CCDC9: variants seen among roughly 807,000 people sequenced by gnomAD.
CCDC9 encodes the protein coiled-coil domain containing 9, also known as coiled-coil domain-containing protein 9.
In CCDC9, 52 loss-of-function variants were observed where a neutral mutation model predicts 65.6. The observed-to-expected ratio is 0.79, with a 90% CI of 0.63 to 1.00. The LOEUF is 1.00. Ranked by LOEUF, CCDC9 falls within the 50% of genes least tolerant of loss-of-function variation. CCDC9 has a pLI of 0.00. For missense variants in CCDC9, 834 were observed against 757.2 expected (o/e 1.10, Z -1.19); for synonymous variants, 332 against 280.3 (o/e 1.18, Z -1.84).
downstream of CCDC9, among the ~76,000 whole-genome samples, chr19:47,272,901 C>T (rs980227585): frequency 6.6e-6 from 1 of 152,140 alleles, no homozygotes; most frequent in Non-Finnish European, 1.5e-5. Context: ...GCCTCCCCTT[C>T]CCCCAGAGTG....
chr19:47,267,892 G>A (rs181360889), intron 8 of CCDC9, among the ~76,000 whole-genome samples: 10 of 152,060 alleles, frequency 6.6e-5, no homozygotes, highest in Non-Finnish European at 1.2e-4. Context: ...CTGTTGCCGG[G>A]GCTGGAGTGC....
Position 47,271,739 on chromosome 19 carries a change from G to A in CCDC9, c.*61G>A. 4.1e-6 allele frequency: 1 copy of A among 241,762 alleles called. No homozygotes were observed. The highest frequency in any genetic ancestry group is 4.2e-4 in the East Asian group (1 of 2,374). The allele number at this position is 241,762 out of a possible 1,614,324, so 15.0% of individuals were successfully genotyped here. A position where few individuals can be genotyped will look rare whatever the true frequency, so the allele number is the denominator to read the frequency against. On this transcript the variant is annotated 3_prime_UTR_variant, in exon 12 of 12. Coordinates refer to ENST00000221922, the MANE Select transcript of CCDC9 (RefSeq NM_015603.3). The stretch of plus-strand genomic sequence containing the variant: ...TGTGTGTGTGTGTGTGTGTGCGCGC[G>A]CGCGCGCGCGCGCGCGCGCGCTAGA...
chr19:47,268,085 G>A (rs2059094233), intron 8 of CCDC9, among the ~76,000 whole-genome samples: 1 of 152,082 alleles, frequency 6.6e-6, no homozygotes, highest in Non-Finnish European at 1.5e-5. Context: ...CTGACCTCAT[G>A]ATTCACCCAC....
chr19:47,257,375 C>A (rs3826791), intron 1 of CCDC9, among the ~76,000 whole-genome samples: 49,657 of 141,016 alleles, frequency 0.35, 8,514 homozygotes, highest in East Asian at 0.6. Flanking sequence ...GGGGAAAGAG[C>A]GTGGCTGGGA....
At chr19:47,266,035 G>C (rs2059080381) in intron 7 of CCDC9, among the ~76,000 whole-genome samples, 1 of 105,472 alleles carries the variant, frequency 9.5e-6, no homozygotes, top group South Asian at 3.2e-4. Context: ...TTGCCCTGTT[G>C]CCTAGGCTGG....
At chr19:47,274,890 C>A, downstream of CCDC9, 1 of 1,251,110 alleles carries the variant, frequency 8.0e-7, no homozygotes. Context: ...CCTGTGCGGT[C>A]TGCGGCGCGG....
At chr19:47,272,613 C>G (rs2059130958), downstream of CCDC9, among the ~76,000 whole-genome samples, 1 of 152,126 alleles carries the variant, frequency 6.6e-6, no homozygotes, top group African/African-American at 2.4e-5. Context: ...CAGAGCAAGA[C>G]TCCGTCTCAA....
intron 9 of CCDC9, 35 bp from the exon 10 acceptor site, chr19:47,270,518 C>G (rs755357473): frequency 6.2e-7 from 1 of 1,614,150 alleles, no homozygotes; most frequent in South Asian, 1.1e-5. Context: ...TGTGCCACAC[C>G]TTCCCTTCCC....
At chr19:47,275,209 T>G (rs2059150823), downstream of CCDC9, 1 of 1,525,336 alleles carries the variant, frequency 6.6e-7, no homozygotes, top group Non-Finnish European at 8.8e-7. Flanking sequence ...TCCTGCCTCC[T>G]GGGAGTCCCC....
downstream of CCDC9, chr19:47,274,075 C>T (rs535791799): frequency 4.3e-5 from 31 of 720,556 alleles, 1 homozygote; most frequent in South Asian, 1.8e-3. Context: ...TGTGTTCTTT[C>T]TACCCCAGAG....
chr19:47,270,734 C>T lies in CCDC9; in HGVS notation c.1085+46C>T, dbSNP rs747221939. The T allele has an allele frequency of 2.6e-6, 4 of 1,554,498 alleles. No homozygotes were observed. In the Admixed American group the frequency reaches 7.8e-5, roughly 30 times the overall value. ...GCTTGCATACCCCCAGGGCTCTCCG[C>T]AGGGCGTTCTCTTCTTTGGCTTGCT... On this transcript the variant is annotated intron_variant, in intron 10 of 11. Transcript: ENST00000221922.
chr19:47,262,210 CTTTTTTTT>C (rs60699350), intron 5 of CCDC9, among the ~76,000 whole-genome samples: 1 of 111,978 alleles, frequency 8.9e-6, no homozygotes, highest in African/African-American at 3.3e-5. Context: ...CAGGTTCCTG[CTTTTTTTT>C]TTTTTTTTTT....
downstream of CCDC9, chr19:47,274,997 C>A: frequency 6.8e-7 from 1 of 1,471,756 alleles, no homozygotes. Context: ...CGCGGGGGCG[C>A]TGGCTGCGCT....
At chr19:47,261,761 C>T (rs563935572) in intron 5 of CCDC9, among the ~76,000 whole-genome samples, 215 of 150,078 alleles carry the variant, frequency 1.4e-3, no homozygotes, top group African/African-American at 5.1e-3. Flanking sequence ...CTCACGAGGC[C>T]TGTAATCCCA....
intron 5 of CCDC9, among the ~76,000 whole-genome samples, chr19:47,261,711 C>CAAAAA (rs758107358): frequency 1.2e-4 from 6 of 50,150 alleles, no homozygotes; most frequent in Non-Finnish European, 1.4e-4. Flanking sequence ...GACTCTGTAT[C>CAAAAA]AAAAAAAAAA....
downstream of CCDC9, chr19:47,275,695 C>G (rs549476220): frequency 2.9e-6 from 1 of 341,424 alleles, no homozygotes; most frequent in Non-Finnish European, 5.6e-6. Flanking sequence ...CCTCGGCTGC[C>G]TCGTGCTGTG....
downstream of CCDC9, among the ~76,000 whole-genome samples, chr19:47,274,298 C>G (rs1432844851): frequency 7.3e-5 from 7 of 95,354 alleles, no homozygotes; most frequent in Non-Finnish European, 1.0e-4. Flanking sequence ...TCCTGACAGG[C>G]GGAGTTAGAG....
At chr19:47,273,968 C>T (rs1440234591), downstream of CCDC9, 1 of 984,724 alleles carries the variant, frequency 1.0e-6, no homozygotes, top group Non-Finnish European at 1.2e-6. Flanking sequence ...TCCCGCAGGC[C>T]TCCCCGAATT....
intron 1 of CCDC9, chr19:47,258,112 A>T (rs1192561604): frequency 5.7e-6 from 3 of 525,226 alleles, no homozygotes; most frequent in Admixed American, 3.4e-5. Context: ...GATCGTTTAC[A>T]TGGGAACTGG....
Sources: allele counts gnomAD v4.1 joint callset (sites outside exome capture counted in the v4.1 genomes callset), GRCh38; gene constraint gnomAD v4.1.1; transcripts MANE v1.5; gene names NCBI Gene and HGNC (gene_info 2026-07-23, HGNC 2026-07-21).